The following PXYLP1 variants were observed in gnomAD, a reference collection of about 807,000 sequenced individuals.
PXYLP1 encodes 2-phosphoxylose phosphatase 1.
A neutral mutation model predicts 37.9 loss-of-function variants in PXYLP1; 17 were observed. The observed-to-expected ratio is 0.45, with a 90% CI of 0.31 to 0.67. The LOEUF is 0.67. Ranked by LOEUF, PXYLP1 falls within the 30% of genes least tolerant of loss-of-function variation. The pLI is 0.07. For missense variants in PXYLP1, 511 were observed against 612.0 expected, an observed-to-expected ratio of 0.84 and a Z score of 1.74; for synonymous variants, 221 against 232.2, an observed-to-expected ratio of 0.95 and a Z score of 0.44.
In PXYLP1 at chr3:141,260,137, T is replaced by C. The variant is rs1941353957; in HGVS notation, c.-39T>C. 6.2e-7 allele frequency: 1 copy of C among 1,611,004 alleles called. No homozygotes were observed. The highest frequency in any genetic ancestry group is 1.1e-5 in the South Asian group (1 of 90,976). ...TTTATTCACAGGACATGTTCCCGAT[T>C]TGAGGTGAAACCATGAAGAGAAAAT... On this transcript the variant is annotated 5_prime_UTR_variant, in exon 2 of 6. Transcript: ENST00000286353.
At chr3:141,278,638 C>G in intron 3 of PXYLP1, 138 bp downstream of exon 3, 2 of 1,115,370 alleles carry the variant, frequency 1.8e-6, no homozygotes, top group Non-Finnish European at 2.6e-6. Flanking sequence ...GAATGAGTTC[C>G]TGGGTCCTTG....
chr3:141,278,476 A>G lies in PXYLP1; in HGVS notation c.214A>G (p.Ser72Gly). Residue 72 changes from serine (S) to glycine (G), a missense_variant, in exon 3 of 6, where the codon AGC becomes GGC. Transcript: ENST00000286353. Reference sequence around the variant, plus strand: ...AGCTCTTTTGTACTGCAACATCCCCAGCGTGGCCGAGCGCAGCATGGAAGG... The same window carrying G: ...AGCTCTTTTGTACTGCAACATCCCCGGCGTGGCCGAGCGCAGCATGGAAGG... ...YEALLYCNIP[S>G]VAERSMEGHA... 1 of 1,614,192 alleles carries G rather than the reference A, an allele frequency of 6.2e-7. No homozygotes were observed. The highest frequency in any genetic ancestry group is 2.2e-5 in the East Asian group (1 of 44,882).
chr3:141,249,307 G>A (rs892649660), intron 1 of PXYLP1, among the ~76,000 whole-genome samples: 7 of 152,086 alleles, frequency 4.6e-5, no homozygotes, highest in Non-Finnish European at 7.4e-5. Flanking sequence ...TGGGCAAAAC[G>A]CCTCTCAGTG....
At chr3:141,232,895 G>C (rs184347454) in intron 1 of PXYLP1, among the ~76,000 whole-genome samples, 2 of 152,214 alleles carry the variant, frequency 1.3e-5, no homozygotes, top group East Asian at 1.9e-4. Context: ...GAAAGGCAAG[G>C]ATCCTTTGTA....
intron 2 of PXYLP1, chr3:141,267,316 G>T (rs1429601877): frequency 6.6e-6 from 1 of 152,156 alleles, no homozygotes; most frequent in African/African-American, 2.4e-5. Flanking sequence ...AATGCACAGG[G>T]TCTAACGTAC....
chr3:141,260,343 G>A (rs562146715), intron 2 of PXYLP1, 89 bp downstream of exon 2: 12 of 1,400,186 alleles, frequency 8.6e-6, no homozygotes, highest in Middle Eastern at 2.4e-4. Context: ...ATAAATGAAT[G>A]ATGAGGCTGA....
intron 2 of PXYLP1, among the ~76,000 whole-genome samples, chr3:141,276,408 GT>G (rs1044241761): frequency 6.6e-6 from 1 of 151,884 alleles, no homozygotes; most frequent in Non-Finnish European, 1.5e-5. Flanking sequence ...TTTATGGTTT[GT>G]TTTTTTTCTT....
chr3:141,286,080 T>C (rs77564161), intron 4 of PXYLP1, among the ~76,000 whole-genome samples: 2,991 of 152,318 alleles, frequency 0.02, 82 homozygotes, highest in East Asian at 0.11. Context: ...CAGTTTATCT[T>C]TGCTTCTTTT....
chr3:141,256,969 G>A (rs1011341194), intron 1 of PXYLP1, among the ~76,000 whole-genome samples: 1 of 152,212 alleles, frequency 6.6e-6, no homozygotes, highest in Non-Finnish European at 1.5e-5. Context: ...ACTAGAAGCA[G>A]TCAGGCAGTT....
intron 2 of PXYLP1, among the ~76,000 whole-genome samples, chr3:141,262,891 A>T (rs947686757): frequency 2.6e-5 from 4 of 152,216 alleles, no homozygotes; most frequent in Non-Finnish European, 5.9e-5. Flanking sequence ...TTATCCTAAA[A>T]TATATGGACT....
At chr3:141,246,505 G>A (rs903712116) in intron 1 of PXYLP1, among the ~76,000 whole-genome samples, 32 of 152,212 alleles carry the variant, frequency 2.1e-4, no homozygotes, top group Non-Finnish European at 3.2e-4. Context: ...TCCAGGGCAT[G>A]GTCAGCAGTC....
intron 1 of PXYLP1, among the ~76,000 whole-genome samples, chr3:141,255,687 C>T (rs1264532584): frequency 6.6e-6 from 1 of 152,184 alleles, no homozygotes; most frequent in Non-Finnish European, 1.5e-5. Flanking sequence ...GGGGTAGGCG[C>T]AGAGCTCCTA....
rs1028008330 is a variant in PXYLP1, at chr3:141,262,590, A to G, written c.79+2336A>G. The G allele has an allele frequency of 7.6e-6, 11 of 1,448,648 alleles. No homozygotes were observed. In the Admixed American group the frequency reaches 2.8e-4, roughly 37 times the overall value. 89.7% of individuals were successfully genotyped at this position (1,448,648 alleles called of 1,614,324 possible). A position where few individuals can be genotyped will look rare whatever the true frequency, so the allele number is the denominator to read the frequency against. The stretch of plus-strand genomic sequence containing the variant: ...AGTACCTTCTGTTTTAGGAAAGCCA[A>G]TTTTCAGCCATACTTTTTTAAGGAA... On this transcript the variant is annotated intron_variant, in intron 2 of 5. Transcript: ENST00000286353.
rs1942229843 is a variant in PXYLP1 at position 141,292,166 on chromosome 3, C to T, written c.506-102C>T. 8 of 1,137,850 alleles carry T rather than the reference C, an allele frequency of 7.0e-6. No individual in the cohort carries two copies. Among genetic ancestry groups the T allele is most frequent in the Admixed American group, 2.3e-5 (1 of 42,622 alleles). 70.5% of individuals were successfully genotyped at this position (1,137,850 alleles called of 1,614,324 possible). A position where few individuals can be genotyped will look rare whatever the true frequency, so the allele number is the denominator to read the frequency against. On this transcript the variant is annotated intron_variant, in intron 5 of 5. Coordinates refer to ENST00000286353, the MANE Select transcript of PXYLP1 (RefSeq NM_001037172.3). This position sits in a 1 kb window ranked among gnomAD's most constrained non-coding sequence, Gnocchi z 4.3. Reference sequence around the variant, plus strand: ...GGGGAAACAGGCTGGATGCCATTCTCTTGCCCTAAAACACTCCAGAGCCAC... The same window carrying T: ...GGGGAAACAGGCTGGATGCCATTCTTTTGCCCTAAAACACTCCAGAGCCAC...
chr3:141,254,004 G>A (rs371358637), intron 1 of PXYLP1, among the ~76,000 whole-genome samples: 1 of 151,850 alleles, frequency 6.6e-6, no homozygotes, highest in Non-Finnish European at 1.5e-5. Flanking sequence ...CTCCACCTCC[G>A]GGGCTCAAGC....
chr3:141,275,375 C>T (rs1469424864), intron 2 of PXYLP1, among the ~76,000 whole-genome samples: 2 of 152,232 alleles, frequency 1.3e-5, no homozygotes, highest in Non-Finnish European at 2.9e-5. Context: ...CTCTAGGACA[C>T]CCACTGTCCT....
At chr3:141,263,770 A>G (rs1941447753) in intron 2 of PXYLP1, among the ~76,000 whole-genome samples, 1 of 152,226 alleles carries the variant, frequency 6.6e-6, no homozygotes, top group Non-Finnish European at 1.5e-5. Context: ...TGTGTGTCCT[A>G]TTCCTTCTTC....
At chr3:141,263,821 G>A (rs978711515) in intron 2 of PXYLP1, among the ~76,000 whole-genome samples, 1 of 152,222 alleles carries the variant, frequency 6.6e-6, no homozygotes, top group African/African-American at 2.4e-5. Flanking sequence ...CAAGGTTGCT[G>A]TGAGAACGGA....
chr3:141,272,244 C>T (rs992997111), intron 2 of PXYLP1, among the ~76,000 whole-genome samples: 1 of 152,166 alleles, frequency 6.6e-6, no homozygotes, highest in Non-Finnish European at 1.5e-5. Context: ...ACTTTATCTG[C>T]TGCCCCTATG....
Sources: gnomAD v4.1 joint callset for allele counts (sites outside exome capture counted in the v4.1 genomes callset) on GRCh38, gnomAD v4.1.1 for gene constraint, Gnocchi (gnomAD v3.1) non-coding constraint, MANE v1.5 for transcripts, NCBI Gene and HGNC (gene_info 2026-07-23, HGNC 2026-07-21) for gene names.